Variants in MSI2 observed in about 807,000 individuals in gnomAD.
MSI2 encodes musashi RNA binding protein 2, also known as RNA-binding protein Musashi homolog 2.
A neutral mutation model predicts 45.6 loss-of-function variants in MSI2; 17 were observed. The ratio of observed to expected loss-of-function variants is 0.37; its 90% CI spans 0.26 to 0.56. The LOEUF is 0.56. Ranked by LOEUF, MSI2 falls within the 20% of genes least tolerant of loss-of-function variation. The probability of loss-of-function intolerance (pLI) is 0.77; values close to 1 mark genes in which losing one functional copy is unlikely to be tolerated. For synonymous variants in MSI2, 156 were observed against 158.2 expected (o/e 0.99, Z 0.11); for missense variants, 293 against 444.2 (o/e 0.66, Z 3.06).
chr17:57,556,399 C>T (rs116725660), intron 7 of MSI2, among the ~76,000 whole-genome samples: 1,848 of 152,306 alleles, frequency 0.012, 41 homozygotes, highest in African/African-American at 0.042. Context: ...AGAGTAGTGA[C>T]ATCTAATTAT....
intron 6 of MSI2, among the ~76,000 whole-genome samples, chr17:57,426,244 G>A (rs1168706394): frequency 2.0e-5 from 3 of 152,302 alleles, no homozygotes; most frequent in African/African-American, 7.2e-5. Flanking sequence ...CTGCATACCG[G>A]TTTTGTCCTA....
intron 7 of MSI2, among the ~76,000 whole-genome samples, chr17:57,571,503 G>A (rs150940844): frequency 7.2e-5 from 11 of 152,238 alleles, no homozygotes; most frequent in South Asian, 2.1e-4. Context: ...TTTACCTCAC[G>A]TACCTCTGGA....
chr17:57,333,034 GA>G (rs67130236), intron 5 of MSI2, among the ~76,000 whole-genome samples: 15,880 of 147,726 alleles, frequency 0.11, 1,584 homozygotes, highest in African/African-American at 0.26. Context: ...CCAAAAAAAA[GA>G]AAAAAAAAAG....
intron 4 of MSI2, among the ~76,000 whole-genome samples, chr17:57,260,984 C>T (rs1043763367): frequency 6.8e-6 from 1 of 147,966 alleles, no homozygotes; most frequent in Non-Finnish European, 1.5e-5. Flanking sequence ...AAAAGGAAAA[C>T]ATTTTAATAT....
intron 6 of MSI2, among the ~76,000 whole-genome samples, chr17:57,403,939 A>G (rs1026248912): frequency 4.9e-5 from 7 of 141,568 alleles, no homozygotes; most frequent in South Asian, 2.1e-4. Context: ...ATGTGCACAC[A>G]CACACACACA....
intron 6 of MSI2, among the ~76,000 whole-genome samples, chr17:57,431,976 G>GA (rs2084603716): frequency 6.6e-6 from 1 of 152,200 alleles, no homozygotes; most frequent in Admixed American, 6.5e-5. Context: ...GGTACAACTT[G>GA]CTCTGTCCCT....
chr17:57,368,656 G>T (rs2083376184), intron 5 of MSI2, among the ~76,000 whole-genome samples: 1 of 152,204 alleles, frequency 6.6e-6, no homozygotes, highest in Non-Finnish European at 1.5e-5. Context: ...CATGTTTTAA[G>T]AGGGAAAAGG....
At chr17:57,450,328 T>G (rs2084991557) in intron 6 of MSI2, 1 of 140,494 alleles carries the variant, frequency 7.1e-6, no homozygotes, top group Non-Finnish European at 1.5e-5. Flanking sequence ...AGAAAACCTT[T>G]GTTAAATTAC....
chr17:57,654,915 GTTTTT>G (rs11319236), intron 11 of MSI2, among the ~76,000 whole-genome samples: 297 of 135,422 alleles, frequency 2.2e-3, no homozygotes, highest in African/African-American at 7.9e-3. Context: ...CAACGTTTGG[GTTTTT>G]TTTTTTTTTT....
rs867623156 is a variant in MSI2, at chr17:57,422,317, G to A, written c.405+20846G>A. On this transcript the variant is annotated intron_variant, in intron 6 of 13. Transcript: ENST00000284073. ...TCTACTAAAAATACAAAAATTATCC[G>A]AGCATGATGGCAGGTGCCCGTAGTC... Among the ~76,000 whole-genome samples the A allele has an allele frequency of 4.6e-5, 7 of 152,218 alleles. No homozygotes were observed. The South Asian group carries it at 1.2e-3, about 27-fold the overall frequency.
chr17:57,348,290 G>A (rs1915774455), intron 5 of MSI2, among the ~76,000 whole-genome samples: 1 of 152,148 alleles, frequency 6.6e-6, no homozygotes, highest in Admixed American at 6.5e-5. Context: ...TGCCTGGGTT[G>A]TCCCTTGGGA....
At chr17:57,348,330 C>T (rs891089204) in intron 5 of MSI2, among the ~76,000 whole-genome samples, 3 of 152,122 alleles carry the variant, frequency 2.0e-5, no homozygotes, top group African/African-American at 7.2e-5. Context: ...TTCAGGAGTT[C>T]TAGTGTTCAG....
rs145374057 is a variant in MSI2, at chr17:57,560,792, C to A, written c.454+31068C>A. On this transcript the variant is annotated intron_variant, in intron 7 of 13. Coordinates refer to ENST00000284073, the MANE Select transcript of MSI2 (RefSeq NM_138962.4). ...ACGGTTCCTCGCAGCTCAGTAAAGGCGGTGGTTGCCACCAGCACAAGCATG... is the reference window on the plus strand; with the variant it reads ...ACGGTTCCTCGCAGCTCAGTAAAGGAGGTGGTTGCCACCAGCACAAGCATG... Among the ~76,000 whole-genome samples, 4 of 152,310 alleles carry A rather than the reference C, an allele frequency of 2.6e-5. No individual in the cohort carries two copies. In the East Asian group the frequency reaches 7.7e-4, roughly 29 times the overall value.
At chr17:57,695,100 G>A in the MSI2 span, among the ~76,000 whole-genome samples, 118 of 152,224 alleles carry the variant, frequency 7.8e-4, 2 homozygotes, top group South Asian at 0.023. Flanking sequence ...TAGTTTACCT[G>A]CTTCACTTAA....
chr17:57,360,502 T>G (rs1916742582), intron 5 of MSI2, among the ~76,000 whole-genome samples: 1 of 152,260 alleles, frequency 6.6e-6, no homozygotes, highest in Admixed American at 6.5e-5. Context: ...GACTTGTCTC[T>G]TGTCCCCAGA....
At chr17:57,376,152 G>T (rs1271406822) in intron 5 of MSI2, among the ~76,000 whole-genome samples, 1 of 152,198 alleles carries the variant, frequency 6.6e-6, no homozygotes, top group Non-Finnish European at 1.5e-5. Context: ...CAAGTGGTGG[G>T]TGAGTTGCTT....
At chr17:57,488,784 A>G (rs1423525095) in intron 6 of MSI2, among the ~76,000 whole-genome samples, 1 of 151,978 alleles carries the variant, frequency 6.6e-6, no homozygotes, top group Non-Finnish European at 1.5e-5. Flanking sequence ...AGATCGCGCC[A>G]TTGCACTCCA....
At chr17:57,615,068 G>A (rs971666930) in intron 8 of MSI2, among the ~76,000 whole-genome samples, 23 of 151,826 alleles carry the variant, frequency 1.5e-4, no homozygotes, top group African/African-American at 5.6e-4. Context: ...AAATTCTAAA[G>A]ATCTGGTTTG....
rs74751628 is a variant in MSI2 at position 57,616,316 on chromosome 17, A to T, written c.652+232A>T. ...GTGTGTGTGTGTGTTTGTATTTATA[A>T]TATTGCCCCATGCCTGGCTTATAGG... On this transcript the variant is annotated intron_variant, in intron 9 of 13. Transcript: ENST00000284073. 7.1e-3 allele frequency: 2,765 copies of T among 388,610 alleles called. 77 individuals carry two copies. The highest frequency in any genetic ancestry group is 0.054 in the African/African-American group (2,575 of 48,082). The allele number at this position is 388,610 out of a possible 1,614,324, so 24.1% of individuals were successfully genotyped here.
Sources: allele counts gnomAD v4.1 joint callset (sites outside exome capture counted in the v4.1 genomes callset), GRCh38; gene constraint gnomAD v4.1.1; transcripts MANE v1.5; gene names NCBI Gene and HGNC (gene_info 2026-07-23, HGNC 2026-07-21).